The following ZFHX3 variants were observed in gnomAD, a reference collection of about 807,000 sequenced individuals.
ZFHX3 encodes zinc finger homeobox 3, also known as zinc finger homeobox protein 3.
A neutral mutation model predicts 279.1 loss-of-function variants in ZFHX3; 42 were observed. That is an observed-to-expected ratio of 0.15 (90% CI 0.12 to 0.19). ZFHX3 has a LOEUF of 0.19. Among genes scored for constraint, ZFHX3 ranks in the 10% least tolerant of loss-of-function variants. The pLI is 1.00. For synonymous variants in ZFHX3, 2,293 were observed against 1,957.8 expected, an observed-to-expected ratio of 1.17 and a Z score of -4.52; for missense variants, 4,981 against 4,754.0, an observed-to-expected ratio of 1.05 and a Z score of -1.40.
chr16:73,640,749 T>C (rs928991514), intron 2 of ZFHX3, among the ~76,000 whole-genome samples: 12 of 151,942 alleles, frequency 7.9e-5, no homozygotes, highest in Non-Finnish European at 1.3e-4. Context: ...AAAGAGAGAA[T>C]AAACGAAAAC....
chr16:73,277,125 T>G (rs1382185912), intron 4 of ZFHX3, among the ~76,000 whole-genome samples: 1 of 152,226 alleles, frequency 6.6e-6, no homozygotes, highest in Non-Finnish European at 1.5e-5. Context: ...TAAAAAATGT[T>G]CTCCAAAGGA....
chr16:73,086,729 C>G (rs894868790), intron 8 of ZFHX3, among the ~76,000 whole-genome samples: 1 of 151,830 alleles, frequency 6.6e-6, no homozygotes, highest in Admixed American at 6.6e-5. Flanking sequence ...ATGACAAAAC[C>G]CCATCTGTAC....
At chr16:73,244,137 G>C (rs1445213408) in intron 5 of ZFHX3, among the ~76,000 whole-genome samples, 2 of 152,170 alleles carry the variant, frequency 1.3e-5, no homozygotes, top group African/African-American at 4.8e-5. Context: ...AGCAAGTTTG[G>C]CCTTTGCAAG....
chr16:73,156,347 T>C (rs1404533754), intron 5 of ZFHX3, among the ~76,000 whole-genome samples: 2 of 148,650 alleles, frequency 1.3e-5, no homozygotes, highest in Non-Finnish European at 3.0e-5. Flanking sequence ...TTAAAAAAAA[T>C]GATTTGAGGT....
chr16:73,580,864 C>G (rs1432385734), intron 2 of ZFHX3, among the ~76,000 whole-genome samples: 1 of 151,758 alleles, frequency 6.6e-6, no homozygotes, highest in Non-Finnish European at 1.5e-5. Flanking sequence ...TTGACATGAC[C>G]CATTAGACTT....
At chr16:73,781,395 C>G (rs958034562) in intron 1 of ZFHX3, among the ~76,000 whole-genome samples, 2 of 152,162 alleles carry the variant, frequency 1.3e-5, no homozygotes, top group African/African-American at 4.8e-5. Context: ...ACTCCTGCAT[C>G]ACACTTTGGG....
intron 1 of ZFHX3, among the ~76,000 whole-genome samples, chr16:73,763,446 G>A (rs2053894319): frequency 6.6e-6 from 1 of 152,268 alleles, no homozygotes; most frequent in African/African-American, 2.4e-5. Flanking sequence ...CTGCCAAGCA[G>A]GAAGGAAATG....
At position 73,749,636 on chromosome 16, in the gene ZFHX3, C is replaced by T. The variant is rs142258614; in HGVS notation, c.-1607-69396G>A. Among the ~76,000 whole-genome samples, 634 of 152,274 alleles carry T rather than the reference C, an allele frequency of 4.2e-3. 3 individuals are homozygous for T. Among genetic ancestry groups the T allele is most frequent in the African/African-American group, 0.015 (604 of 41,552 alleles). ...TAAAGCACCAGGTAACCCTTCCTAA[C>T]ACTATACTACGTATAACTGTGTTGG... On this transcript the variant is annotated intron_variant, in intron 1 of 17. Transcript: ENST00000641206.
At chr16:73,004,158 A>ATTTTTT (rs1567627941) in intron 1 of ZFHX3, among the ~76,000 whole-genome samples, 4 of 51,312 alleles carry the variant, frequency 7.8e-5, no homozygotes, top group African/African-American at 4.3e-4. Context: ...TAAAAACACG[A>ATTTTTT]CTTTTTTTTT....
At chr16:73,063,959 G>T (rs938461315), upstream of ZFHX3, among the ~76,000 whole-genome samples, 1 of 152,094 alleles carries the variant, frequency 6.6e-6, no homozygotes, top group African/African-American at 2.4e-5. Context: ...CAGGTTGAGG[G>T]TCCCCGCGCC....
intron 4 of ZFHX3, among the ~76,000 whole-genome samples, chr16:72,850,733 G>A (rs2036760639): frequency 6.6e-6 from 1 of 152,168 alleles, no homozygotes; most frequent in Non-Finnish European, 1.5e-5. Context: ...GGATTGACTG[G>A]AGTTTGCCCC....
intron 1 of ZFHX3, among the ~76,000 whole-genome samples, chr16:73,840,220 G>A (rs1005337069): frequency 6.6e-6 from 1 of 152,130 alleles, no homozygotes; most frequent in African/African-American, 2.4e-5. Flanking sequence ...AGGTAAGATG[G>A]GGAGAAAGGA....
At chr16:72,893,955 G>A (rs1173031108) in intron 3 of ZFHX3, among the ~76,000 whole-genome samples, 1 of 152,018 alleles carries the variant, frequency 6.6e-6, no homozygotes, top group African/African-American at 2.4e-5. Flanking sequence ...TTCAAAACCA[G>A]CCTGGCCAAC....
intron 3 of ZFHX3, among the ~76,000 whole-genome samples, chr16:73,355,986 C>T (rs1375483964): frequency 6.6e-6 from 1 of 152,166 alleles, no homozygotes; most frequent in African/African-American, 2.4e-5. Context: ...CACATTCACG[C>T]TGCCTCTCCA....
At chr16:72,918,415 GA>G (rs1345814563) in intron 3 of ZFHX3, among the ~76,000 whole-genome samples, 1 of 152,054 alleles carries the variant, frequency 6.6e-6, no homozygotes, top group Non-Finnish European at 1.5e-5. Context: ...AATTATGATG[GA>G]AAAAATAGTG....
In ZFHX3 at chr16:72,785,775, A is replaced by ATATT. The variant is rs886114644; in HGVS notation, c.*1385_*1388dup. 2.0e-5 allele frequency: 3 copies of ATATT among 152,118 alleles called. No homozygotes were observed. The highest frequency in any genetic ancestry group is 7.2e-5 in the African/African-American group (3 of 41,400). 9.4% of individuals were successfully genotyped at this position (152,118 alleles called of 1,614,324 possible). ...ATCCTTTAGTATAGAAAAAAAAAGA[A>ATATT]TATTTGAAGCTCCTACCAAACAAGG... On this transcript the variant is annotated 3_prime_UTR_variant, in exon 10 of 10. Transcript: ENST00000268489.
intron 5 of ZFHX3, among the ~76,000 whole-genome samples, chr16:73,164,060 C>T (rs570261469): frequency 1.1e-4 from 16 of 152,212 alleles, no homozygotes; most frequent in South Asian, 2.1e-4. Context: ...CTGCAACTGC[C>T]GCAAGGTTCT....
chr16:72,975,734 C>A (rs938956560), intron 1 of ZFHX3, among the ~76,000 whole-genome samples: 4 of 152,194 alleles, frequency 2.6e-5, no homozygotes, highest in Non-Finnish European at 5.9e-5. Context: ...CCAGAAGCCA[C>A]CCAGAGAACC....
intron 7 of ZFHX3, among the ~76,000 whole-genome samples, chr16:72,806,813 C>A (rs896587176): frequency 1.3e-5 from 2 of 152,104 alleles, no homozygotes; most frequent in Admixed American, 6.5e-5. Context: ...ACAAAAAATA[C>A]AGAATAATTA....
Sources: allele counts gnomAD v4.1 joint callset (sites outside exome capture counted in the v4.1 genomes callset), GRCh38; gene constraint gnomAD v4.1.1; transcripts MANE v1.5; gene names NCBI Gene and HGNC (gene_info 2026-07-23, HGNC 2026-07-21).